Variants in SFMBT1 observed in about 807,000 individuals in gnomAD.
SFMBT1 encodes scm-like with four MBT domains protein 1.
SFMBT1 carries 32 observed loss-of-function variants against 108.7 expected under a neutral mutation model. That is an observed-to-expected ratio of 0.29 (90% CI 0.22 to 0.40). The LOEUF (loss-of-function observed/expected upper bound fraction) is 0.40, where lower values mean the gene tolerates loss of function less well. SFMBT1 is among the 10% of genes least tolerant of loss of function. The pLI is 1.00. For synonymous variants in SFMBT1, 348 were observed against 369.5 expected (o/e 0.94, Z 0.67); for missense variants, 816 against 1,059.6 (o/e 0.77, Z 3.19).
At chr3:52,998,182 A>G (rs1194074428) in intron 1 of SFMBT1, among the ~76,000 whole-genome samples, 1 of 149,998 alleles carries the variant, frequency 6.7e-6, no homozygotes, top group East Asian at 2.0e-4. Flanking sequence ...TTGGGAGGCC[A>G]AGACGGGCAG....
At chr3:52,939,471 G>C (rs377094863) in intron 4 of SFMBT1, among the ~76,000 whole-genome samples, 1 of 152,314 alleles carries the variant, frequency 6.6e-6, no homozygotes, top group East Asian at 1.9e-4. Context: ...CTACTCAGGA[G>C]GCTGAGGCAG....
intron 2 of SFMBT1, among the ~76,000 whole-genome samples, chr3:52,959,812 T>A (rs1371056843): frequency 6.6e-6 from 1 of 152,154 alleles, no homozygotes; most frequent in Non-Finnish European, 1.5e-5. Flanking sequence ...TCCAATAATC[T>A]CACTTCACAT....
At chr3:52,954,106 C>T (rs1302071623) in intron 3 of SFMBT1, among the ~76,000 whole-genome samples, 1 of 150,324 alleles carries the variant, frequency 6.7e-6, no homozygotes, top group Non-Finnish European at 1.5e-5. Context: ...GCCTGGGCGA[C>T]AAAGCGAGAC....
intron 4 of SFMBT1, among the ~76,000 whole-genome samples, chr3:52,941,593 CAAAAAAAAAAAA>C (rs145581859): frequency 1.4e-4 from 9 of 64,034 alleles, no homozygotes; most frequent in African/African-American, 4.6e-4. Context: ...GACTCTGTTT[CAAAAAAAAAAAA>C]AAAAAAAAAA....
chr3:52,940,747 T>C (rs1340534890), intron 4 of SFMBT1, among the ~76,000 whole-genome samples: 1 of 152,218 alleles, frequency 6.6e-6, no homozygotes, highest in East Asian at 1.9e-4. Context: ...AATCTCCAAG[T>C]ATCTTCCAAC....
chr3:52,993,278 T>C (rs1698186259), intron 1 of SFMBT1, among the ~76,000 whole-genome samples: 1 of 150,174 alleles, frequency 6.7e-6, no homozygotes, highest in Non-Finnish European at 1.5e-5. Context: ...CATGTTTTCT[T>C]GAGCAGTACT....
At chr3:52,954,187 G>A (rs1703698517) in intron 3 of SFMBT1, 130 bp downstream of exon 3, 1 of 665,840 alleles carries the variant, frequency 1.5e-6, no homozygotes, top group Non-Finnish European at 2.6e-6. Context: ...AGGGTGGCAG[G>A]AGGAAAGAAA....
intron 19 of SFMBT1, 59 bp from the exon 20 acceptor site, chr3:52,906,300 A>T: frequency 6.2e-7 from 1 of 1,611,436 alleles, no homozygotes; most frequent in Non-Finnish European, 8.5e-7. Flanking sequence ...ATTCTAAAAA[A>T]GTCTCTCTAC....
chr3:53,020,377 G>A (rs974153216), intron 1 of SFMBT1, among the ~76,000 whole-genome samples: 2 of 151,876 alleles, frequency 1.3e-5, no homozygotes, highest in African/African-American at 4.8e-5. Flanking sequence ...GTGACAGAAT[G>A]AGACTCCATC....
intron 1 of SFMBT1, among the ~76,000 whole-genome samples, chr3:53,042,581 C>T (rs148170977): frequency 4.9e-4 from 74 of 152,294 alleles, no homozygotes; most frequent in African/African-American, 1.7e-3. Flanking sequence ...TGGTCTCAAG[C>T]GATCCTCTTG....
At chr3:53,044,018 G>C (rs1700134992) in intron 1 of SFMBT1, among the ~76,000 whole-genome samples, 1 of 152,136 alleles carries the variant, frequency 6.6e-6, no homozygotes, top group Admixed American at 6.6e-5. Context: ...ATCTGAGTGT[G>C]GTTATCAGGG....
chr3:52,969,922 G>A lies in SFMBT1; in HGVS notation c.-130-664C>T, dbSNP rs545690633. 2.0e-5 allele frequency among the ~76,000 whole-genome samples: 3 copies of A among 152,150 alleles called. No individual in the cohort carries two copies. In the East Asian group the frequency reaches 5.8e-4, roughly 29 times the overall value. On this transcript the variant is annotated intron_variant, in intron 1 of 20. Coordinates refer to ENST00000394752, the MANE Select transcript of SFMBT1 (RefSeq NM_016329.4). ...GTTTGGGACCAGCCTGGGCAACATGGCAAAACCTCACCTGTACTAAAAATA... is the reference window on the plus strand; with the variant it reads ...GTTTGGGACCAGCCTGGGCAACATGACAAAACCTCACCTGTACTAAAAATA...
chr3:52,912,243 C>T (rs993640977), intron 16 of SFMBT1, among the ~76,000 whole-genome samples: 1 of 151,664 alleles, frequency 6.6e-6, no homozygotes, highest in South Asian at 2.1e-4. Flanking sequence ...TGTAGTGGCA[C>T]GATCTCAGCT....
At chr3:53,044,364 G>A (rs1278755478) in intron 1 of SFMBT1, among the ~76,000 whole-genome samples, 1 of 152,146 alleles carries the variant, frequency 6.6e-6, no homozygotes, top group Non-Finnish European at 1.5e-5. Context: ...GGTAAGAAAT[G>A]TGCCCAAGAT....
intron 1 of SFMBT1, among the ~76,000 whole-genome samples, chr3:52,990,123 C>T (rs13058817): frequency 0.07 from 10,677 of 152,112 alleles, 442 homozygotes; most frequent in Non-Finnish European, 0.095. Flanking sequence ...AATAAATGGG[C>T]TTAGTTGGTC....
At position 52,953,884 on chromosome 3, in the gene SFMBT1, C is replaced by G. The variant is rs1310872523; in HGVS notation, c.123+433G>C. On this transcript the variant is annotated intron_variant, in intron 3 of 20. Transcript: ENST00000394752. ...GTGGCTCATGCCTGTAATCCCAGCA[C>G]TTTGGGAGGCTGAGGTGGGAGGATC... Among the ~76,000 whole-genome samples, 3 of 151,734 alleles carry G rather than the reference C, an allele frequency of 2.0e-5. No homozygotes were observed. The East Asian group carries it at 5.9e-4, about 30-fold the overall frequency.
chr3:53,028,778 C>T (rs372964184), intron 1 of SFMBT1, among the ~76,000 whole-genome samples: 1 of 152,180 alleles, frequency 6.6e-6, no homozygotes, highest in Non-Finnish European at 1.5e-5. Context: ...GTCTAGCACT[C>T]GTGGCTGGGA....
intron 1 of SFMBT1, among the ~76,000 whole-genome samples, chr3:52,981,292 T>C (rs897038443): frequency 3.3e-5 from 5 of 152,098 alleles, no homozygotes; most frequent in Non-Finnish European, 5.9e-5. Flanking sequence ...TGCTGACCAA[T>C]AGGCAGCAAA....
chr3:52,907,339 A>T, intron 18 of SFMBT1, 25 bp from the exon 19 acceptor site: 1 of 1,590,132 alleles, frequency 6.3e-7, no homozygotes, highest in East Asian at 2.2e-5. Context: ...GAGAAGTCTC[A>T]TTGAAATTCA....
Sources: gnomAD v4.1 joint callset for allele counts (sites outside exome capture counted in the v4.1 genomes callset) on GRCh38, gnomAD v4.1.1 for gene constraint, MANE v1.5 for transcripts, NCBI Gene and HGNC (gene_info 2026-07-23, HGNC 2026-07-21) for gene names.